Variants in CC2D2A observed in about 807,000 individuals in gnomAD.
CC2D2A encodes coiled-coil and C2 domain-containing protein 2A.
CC2D2A carries 155 observed loss-of-function variants against 212.9 expected under a neutral mutation model. The observed-to-expected ratio is 0.73, with a 90% CI of 0.64 to 0.83. The LOEUF (loss-of-function observed/expected upper bound fraction) is 0.83, where lower values mean the gene tolerates loss of function less well. CC2D2A is among the 40% of genes least tolerant of loss of function. The pLI, the probability that CC2D2A is intolerant of heterozygous loss-of-function variation, is 0.00. For missense variants in CC2D2A, 1,856 were observed against 1,956.2 expected, an observed-to-expected ratio of 0.95 and a Z score of 0.97; for synonymous variants, 667 against 686.5, an observed-to-expected ratio of 0.97 and a Z score of 0.44.
chr4:15,517,568 G>C (rs749902161), intron 11 of CC2D2A, among the ~76,000 whole-genome samples: 16 of 152,142 alleles, frequency 1.1e-4, no homozygotes, highest in South Asian at 2.1e-4. Flanking sequence ...TCATCTGTAA[G>C]GCAGGCACGA....
chr4:15,600,903 C>A (rs1187116172), intron 36 of CC2D2A, among the ~76,000 whole-genome samples: 106 of 92,952 alleles, frequency 1.1e-3, no homozygotes, highest in Middle Eastern at 6.1e-3. Flanking sequence ...AGACCTGTCT[C>A]AAAAAAAAAA....
intron 4 of CC2D2A, among the ~76,000 whole-genome samples, chr4:15,499,193 C>T (rs568961530): frequency 7.9e-5 from 12 of 152,268 alleles, no homozygotes; most frequent in Non-Finnish European, 1.8e-4. Context: ...GGATATGTGT[C>T]ATTATAAGCT....
At chr4:15,567,966 A>C (rs957636283) in intron 26 of CC2D2A, among the ~76,000 whole-genome samples, 180 bp downstream of exon 26, 2 of 152,184 alleles carry the variant, frequency 1.3e-5, no homozygotes, top group African/African-American at 2.4e-5. Flanking sequence ...TCCCTTCAAG[A>C]ATAAAAATGG....
At chr4:15,518,383 C>G (rs916576521) in intron 11 of CC2D2A, among the ~76,000 whole-genome samples, 2 of 152,228 alleles carry the variant, frequency 1.3e-5, no homozygotes, top group African/African-American at 4.8e-5. Context: ...GCCTCTGTGG[C>G]TTTGCAGGGT....
intron 4 of CC2D2A, among the ~76,000 whole-genome samples, chr4:15,491,286 A>G (rs1429738172): frequency 6.6e-6 from 1 of 152,198 alleles, no homozygotes; most frequent in Non-Finnish European, 1.5e-5. Flanking sequence ...TATACCCTTT[A>G]CAGTCGATGT....
intron 4 of CC2D2A, 47 bp from the exon 5 acceptor site, chr4:15,502,376 CTTTTCT>C (rs778613260): frequency 5.6e-6 from 8 of 1,430,014 alleles, no homozygotes; most frequent in Non-Finnish European, 7.6e-6. Flanking sequence ...TTTCCTTTTT[CTTTTCT>C]TTTTCTTTTT....
intron 4 of CC2D2A, among the ~76,000 whole-genome samples, chr4:15,493,724 T>A (rs150546035): frequency 2.0e-5 from 3 of 152,186 alleles, no homozygotes; most frequent in African/African-American, 7.2e-5. Flanking sequence ...ACATTCTCTA[T>A]GGGGGTGGAG....
chr4:15,478,521 T>G (rs755715127), intron 2 of CC2D2A, among the ~76,000 whole-genome samples: 4 of 152,208 alleles, frequency 2.6e-5, no homozygotes, highest in Non-Finnish European at 5.9e-5. Context: ...GATGGTCCAA[T>G]ATGGATACGA....
intron 30 of CC2D2A, 33 bp from the exon 31 acceptor site, chr4:15,586,124 A>C (rs1320656676): frequency 6.8e-7 from 1 of 1,471,476 alleles, no homozygotes; most frequent in Non-Finnish European, 9.5e-7. Flanking sequence ...TTTATTATAA[A>C]TTATTTTTGT....
chr4:15,558,072 G>A (rs1210098921), intron 21 of CC2D2A, among the ~76,000 whole-genome samples: 1 of 152,172 alleles, frequency 6.6e-6, no homozygotes, highest in Non-Finnish European at 1.5e-5. Context: ...TCCAGGTGTG[G>A]GGTGGAGGAG....
chr4:15,540,869 A>T lies in CC2D2A; in HGVS notation c.2036A>T (p.Lys679Met), dbSNP rs779150773. 1 of 1,600,778 alleles carries T rather than the reference A, an allele frequency of 6.2e-7. No individual in the cohort carries two copies. The highest frequency in any genetic ancestry group is 8.5e-7 in the Non-Finnish European group (1 of 1,173,500). ...GTCTCGAGAAGGGAGGATGTAAAGA[A>T]GCGCTCAGTGTACTTAAAAGTGCTG... is the stretch of plus-strand genomic sequence containing the variant. Reference protein sequence around the residue: ...AEVSRREDVKKRSVYLKVLFN... With the variant: ...AEVSRREDVKMRSVYLKVLFN... The change falls in exon 17 of 37, where the codon AAG becomes ATG. Residue 679 changes from lysine to methionine, a missense_variant. This residue lies in a region of CC2D2A where 1,512 missense variants were observed against 1,579.3 expected (regional missense o/e 0.96). Transcript: ENST00000424120.
At chr4:15,546,620 C>T (rs1181777810) in intron 17 of CC2D2A, among the ~76,000 whole-genome samples, 1 of 152,244 alleles carries the variant, frequency 6.6e-6, no homozygotes, top group Admixed American at 6.5e-5. Flanking sequence ...TCGCCTACCT[C>T]ACTTTTGTGG....
intron 2 of CC2D2A, among the ~76,000 whole-genome samples, 175 bp from the exon 3 acceptor site, chr4:15,478,548 C>G (rs556192531): frequency 6.6e-6 from 1 of 152,318 alleles, no homozygotes; most frequent in East Asian, 1.9e-4. Flanking sequence ...GAAAACATGT[C>G]TATGTTGAGA....
intron 30 of CC2D2A, among the ~76,000 whole-genome samples, chr4:15,581,603 A>G (rs1720667090): frequency 1.3e-5 from 2 of 152,208 alleles, no homozygotes; most frequent in South Asian, 4.1e-4. Context: ...TAATACCATC[A>G]ATGGATAAAC....
chr4:15,556,393 C>A (rs1300208264), intron 20 of CC2D2A, among the ~76,000 whole-genome samples: 1 of 152,138 alleles, frequency 6.6e-6, no homozygotes, highest in Non-Finnish European at 1.5e-5. Context: ...GCATGATACA[C>A]CTTAGTGTGC....
Position 15,516,677 on chromosome 4 carries a change from T to A in CC2D2A, c.1070T>A (p.Ile357Asn), listed in dbSNP as rs779669288. The change falls in exon 11 of 37, where the codon ATC (isoleucine) becomes AAC (asparagine). Residue 357 changes from isoleucine to asparagine, a missense_variant. Physicochemically the swap from Ile to Asn is moderately radical, Grantham distance 149. Transcript: ENST00000424120. ...AGGATCCTAGCTCTGCCAAACCCCA[T>A]CAAGCCATTTCCTTCAAGGCCGCCA... ...DGRILALPNP[I>N]KPFPSRPPVL... 2 of 1,613,386 alleles carry A rather than the reference T, an allele frequency of 1.2e-6. No homozygotes were observed. Among genetic ancestry groups the A allele is most frequent in the South Asian group, 2.2e-5 (2 of 90,952 alleles).
chr4:15,512,830 G>A (rs774176348), intron 8 of CC2D2A, among the ~76,000 whole-genome samples: 3 of 151,962 alleles, frequency 2.0e-5, no homozygotes, highest in Admixed American at 6.6e-5. Flanking sequence ...GCAGGCACCT[G>A]TAATCCAGCT....
chr4:15,560,390 C>T lies in CC2D2A; in HGVS notation c.2923-141C>T, dbSNP rs17476879. ...TAGAGGGTTTACAGCAAGAGGAGAC[C>T]AGCATTGCAGAGGAAAGTAACAGTT... On this transcript the variant is annotated intron_variant, in intron 22 of 36. Coordinates refer to ENST00000424120, the MANE Select transcript of CC2D2A (RefSeq NM_001378615.1). 0.1 allele frequency: 54,757 copies of T among 537,310 alleles called. 3,230 individuals carry two copies. The highest frequency in any genetic ancestry group is 0.12 in the Non-Finnish European group (36,916 of 299,174). The allele number at this position is 537,310 out of a possible 1,614,324, so 33.3% of individuals were successfully genotyped here.
In CC2D2A at chr4:15,478,724, A is replaced by G; in HGVS notation, c.41A>G (p.Glu14Gly). 6.4e-7 allele frequency: 1 copy of G among 1,552,170 alleles called. No homozygotes were observed. The highest frequency in any genetic ancestry group is 8.7e-7 in the Non-Finnish European group (1 of 1,146,928). The change falls in exon 3 of 37, where the codon GAG (glutamate) becomes GGG (glycine). Residue 14 changes from glutamate (E) to glycine (G), a missense_variant and splice_region_variant. Transcript: ENST00000424120. ...TCTCCCTTTTGCATTTTCACAAAGG[A>G]GTTCATTGAAAATGATGAGGATGCA... The part of the protein sequence containing the change: ...REEKVKIITE[E>G]FIENDEDADM...
Sources: gnomAD v4.1 joint callset for allele counts (sites outside exome capture counted in the v4.1 genomes callset) on GRCh38, gnomAD v4.1.1 for gene constraint, gnomAD v4.1.1 regional missense constraint, MANE v1.5 for transcripts, NCBI Gene and HGNC (gene_info 2026-07-23, HGNC 2026-07-21) for gene names.